LCP2: variants seen among roughly 807,000 people sequenced by gnomAD.
LCP2 encodes the protein 76 kDa tyrosine phosphoprotein.
LCP2 carries 29 observed loss-of-function variants against 74.5 expected under a neutral mutation model. That is an observed-to-expected ratio of 0.39 (90% CI 0.29 to 0.53). LCP2 has a LOEUF of 0.53. LCP2 is among the 20% of genes least tolerant of loss of function. LCP2 has a pLI of 0.72. For missense variants in LCP2, 604 were observed against 634.6 expected (o/e 0.95, Z 0.52); for synonymous variants, 228 against 229.5 (o/e 0.99, Z 0.06).
chr5:170,247,774 A>G lies in LCP2; in HGVS notation c.*923T>C, dbSNP rs1238148086. ...ATATCTAATAGGAAAGTCTGATCAC[A>G]TTTAATCTAAAGTGTTGCTCCCTCG... On this transcript the variant is annotated 3_prime_UTR_variant, in exon 21 of 21. Coordinates refer to ENST00000046794, the MANE Select transcript of LCP2 (RefSeq NM_005565.5). 2 of 152,206 alleles carry G rather than the reference A, an allele frequency of 1.3e-5. No individual in the cohort carries two copies. The highest frequency in any genetic ancestry group is 2.4e-5 in the African/African-American group (1 of 41,434). 9.4% of individuals were successfully genotyped at this position (152,206 alleles called of 1,614,324 possible).
chr5:170,267,459 TC>T, intron 8 of LCP2: 1 of 250,388 alleles, frequency 4.0e-6, no homozygotes, highest in Middle Eastern at 1.4e-3. Flanking sequence ...TTCTTGCAGT[TC>T]CTGGAAAATC....
At chr5:170,276,887 C>T (rs1301846085) in intron 3 of LCP2, among the ~76,000 whole-genome samples, 1 of 151,874 alleles carries the variant, frequency 6.6e-6, no homozygotes, top group Admixed American at 6.6e-5. Context: ...ACCATCCTGG[C>T]CAACATGGTG....
Position 170,270,853 on chromosome 5 carries a change from G to A in LCP2, c.389C>T (p.Ser130Phe). The change falls in exon 7 of 21, where the codon TCC becomes TTC. Residue 130 changes from serine to phenylalanine, a missense_variant. By Grantham distance (155) the Ser-to-Phe change is radical. Coordinates refer to ENST00000046794, the MANE Select transcript of LCP2 (RefSeq NM_005565.5). ...QDGEDDGDYE[S>F]PNEEEEAPVE... Reference sequence around the variant, plus strand: ...GGGTGCCTCTTCCTCCTCATTGGGGGACTCATAGTCTCCATCATCCTCCCC... The same window carrying A: ...GGGTGCCTCTTCCTCCTCATTGGGGAACTCATAGTCTCCATCATCCTCCCC... 4 of 1,612,476 alleles carry A rather than the reference G, an allele frequency of 2.5e-6. No individual in the cohort carries two copies. The highest frequency in any genetic ancestry group is 2.2e-5 in the South Asian group (2 of 90,658).
chr5:170,274,570 G>C (rs538615124), intron 5 of LCP2, among the ~76,000 whole-genome samples: 19 of 152,132 alleles, frequency 1.2e-4, no homozygotes, highest in Admixed American at 1.0e-3. Context: ...AACCTTTCTC[G>C]TGTGTAACAG....
chr5:170,270,016 A>G (rs1182783356), intron 7 of LCP2, among the ~76,000 whole-genome samples: 1 of 152,224 alleles, frequency 6.6e-6, no homozygotes, highest in African/African-American at 2.4e-5. Context: ...ACTGACCTTC[A>G]ATTTTCAGCG....
chr5:170,286,168 C>T (rs910854610), intron 3 of LCP2, among the ~76,000 whole-genome samples: 8 of 152,164 alleles, frequency 5.3e-5, no homozygotes, highest in African/African-American at 1.9e-4. Flanking sequence ...GTTGACGTAC[C>T]TTAGGACGAT....
intron 3 of LCP2, among the ~76,000 whole-genome samples, chr5:170,284,835 C>T (rs147087667): frequency 6.6e-6 from 1 of 151,582 alleles, no homozygotes; most frequent in East Asian, 1.9e-4. Context: ...ACTGCAGCCT[C>T]CACCTCCCAG....
In LCP2 at chr5:170,262,856, C is replaced by A. The variant is rs373086683; in HGVS notation, c.804G>T (p.Ser268=). 437 of 1,613,986 alleles carry A rather than the reference C, an allele frequency of 2.7e-4. No individual in the cohort carries two copies. Among genetic ancestry groups the A allele is most frequent in the Non-Finnish European group, 3.5e-4 (413 of 1,179,880 alleles). Residue 268 remains serine (S), a synonymous_variant, in exon 12 of 21, where the codon TCG becomes TCT. Coordinates refer to ENST00000046794, the MANE Select transcript of LCP2 (RefSeq NM_005565.5). ...GKKPPFSDKP[S]IPAGRSLGEH... ...AACAGTCTTACCTTCCCGCTGGAAT[C>A]GAGGGCTGCAAGACAGGAGGAAAAA...
intron 1 of LCP2, 78 bp downstream of exon 1, chr5:170,297,456 C>G: frequency 7.7e-7 from 1 of 1,306,266 alleles, no homozygotes; most frequent in East Asian, 2.5e-5. Context: ...ACATTCTGCC[C>G]CAATTCCATC....
intron 13 of LCP2, 84 bp downstream of exon 13, chr5:170,262,551 T>C (rs1472774191): frequency 1.0e-6 from 1 of 1,004,018 alleles, no homozygotes; most frequent in Non-Finnish European, 1.5e-6. Flanking sequence ...CCGAGGAGCC[T>C]CGGTTCCCAC....
At chr5:170,274,171 T>C in intron 6 of LCP2, 130 bp downstream of exon 6, 4 of 953,714 alleles carry the variant, frequency 4.2e-6, no homozygotes, top group Non-Finnish European at 4.9e-6. Flanking sequence ...GAGCACCTTT[T>C]CTGGGCCCTG....
At chr5:170,267,280 G>A (rs1334362518) in intron 8 of LCP2, 52 of 603,856 alleles carry the variant, frequency 8.6e-5, no homozygotes, top group Middle Eastern at 8.7e-4. Flanking sequence ...CTTTTCTGCA[G>A]GCAGCAGAGT....
chr5:170,290,977 A>G (rs1321293032), intron 2 of LCP2, among the ~76,000 whole-genome samples: 1 of 86,938 alleles, frequency 1.2e-5, no homozygotes, highest in Non-Finnish European at 2.5e-5. Context: ...AGAAAGAAAG[A>G]AAGAAAGAAA....
chr5:170,289,642 T>TTTCC lies in LCP2; in HGVS notation c.142-1627_142-1626insGGAA, dbSNP rs1308245800. 6.4e-5 allele frequency among the ~76,000 whole-genome samples: 7 copies of TTTCC among 110,062 alleles called. No individual in the cohort carries two copies. The Admixed American group carries it at 6.8e-4, about 11-fold the overall frequency. 72.2% of individuals were successfully genotyped at this position (110,062 alleles called of 152,430 possible). On this transcript the variant is annotated intron_variant, in intron 2 of 20. Coordinates refer to ENST00000046794, the MANE Select transcript of LCP2 (RefSeq NM_005565.5). ...TTTTCTTTCTTTCTTTCTTTCTTTC[T>TTTCC]TTCTTTCTTTCTTTCTTTCTTTCTT... is the stretch of plus-strand genomic sequence containing the variant.
At chr5:170,296,430 G>C (rs1762386299) in intron 1 of LCP2, among the ~76,000 whole-genome samples, 1 of 152,156 alleles carries the variant, frequency 6.6e-6, no homozygotes, top group African/African-American at 2.4e-5. Context: ...ATAGACCCCA[G>C]GTTTGGCTAT....
At chr5:170,270,990 C>G (rs1385540494) in intron 6 of LCP2, 73 bp from the exon 7 acceptor site, 6 of 1,324,992 alleles carry the variant, frequency 4.5e-6, no homozygotes, top group Non-Finnish European at 4.1e-6. Flanking sequence ...TGCCTACTCT[C>G]TCCCTGCCAA....
rs1209316603 is a variant in LCP2, at chr5:170,266,820, G to T, written c.760C>A (p.Pro254Thr). Residue 254 changes from proline (P) to threonine (T), a missense_variant, in exon 10 of 21, where the codon CCC (proline) becomes ACC (threonine). Physicochemically the swap from Pro to Thr is conservative, Grantham distance 38. Coordinates refer to ENST00000046794, the MANE Select transcript of LCP2 (RefSeq NM_005565.5). ...GAATCATACCCACCTAGTGTGAAGG[G>T]TTCTCTATCAAACGGAGCTAATGAA... ...DRSLAPFDRE[P>T]FTLGKKPPFS... 6.2e-7 allele frequency: 1 copy of T among 1,613,416 alleles called. No individual in the cohort carries two copies.
intron 7 of LCP2, among the ~76,000 whole-genome samples, chr5:170,269,230 G>A (rs1761845752): frequency 6.6e-6 from 1 of 152,186 alleles, no homozygotes; most frequent in Non-Finnish European, 1.5e-5. Context: ...ACATCTCCAC[G>A]GAAGTGTCCC....
chr5:170,253,565 C>T (rs1433130737), intron 17 of LCP2, among the ~76,000 whole-genome samples: 1 of 152,166 alleles, frequency 6.6e-6, no homozygotes, highest in African/African-American at 2.4e-5. Context: ...GCTCAAGAGA[C>T]AAATTTTTCA....
Sources: allele counts gnomAD v4.1 joint callset (sites outside exome capture counted in the v4.1 genomes callset), GRCh38; gene constraint gnomAD v4.1.1; transcripts MANE v1.5; gene names NCBI Gene and HGNC (gene_info 2026-07-23, HGNC 2026-07-21).